Variants in GPHN observed in about 807,000 individuals in gnomAD.
GPHN encodes the protein gephyrin.
Under a neutral mutation model 95.5 loss-of-function variants are expected in GPHN, and 17 were observed. That is an observed-to-expected ratio of 0.18 (90% CI 0.12 to 0.27). The LOEUF (loss-of-function observed/expected upper bound fraction) is 0.27, where lower values mean the gene tolerates loss of function less well. GPHN is among the 10% of genes least tolerant of loss of function. The pLI, the probability that GPHN is intolerant of heterozygous loss-of-function variation, is 1.00. For synonymous variants in GPHN, 320 were observed against 322.5 expected, an observed-to-expected ratio of 0.99 and a Z score of 0.08; for missense variants, 660 against 978.1, an observed-to-expected ratio of 0.67 and a Z score of 4.34.
At chr14:66,599,834 T>G (rs1176302354) in intron 1 of GPHN, among the ~76,000 whole-genome samples, 1 of 152,064 alleles carries the variant, frequency 6.6e-6, no homozygotes, top group East Asian at 1.9e-4. Flanking sequence ...TGTATATCTA[T>G]ATATCTGTAT....
At chr14:66,842,068 AC>A (rs1183495196) in intron 4 of GPHN, among the ~76,000 whole-genome samples, 2 of 53,358 alleles carry the variant, frequency 3.7e-5, no homozygotes, top group Non-Finnish European at 7.7e-5. Flanking sequence ...CCCCGCCCCA[AC>A]CCCCCCAGCC....
chr14:67,526,965 A>G, the GPHN span, among the ~76,000 whole-genome samples: 6 of 152,188 alleles, frequency 3.9e-5, no homozygotes, highest in African/African-American at 1.4e-4. Flanking sequence ...CAAGGGAGAT[A>G]ATAGACCTAT....
the GPHN span, among the ~76,000 whole-genome samples, chr14:67,231,479 G>A: frequency 6.6e-6 from 1 of 152,042 alleles, no homozygotes; most frequent in Non-Finnish European, 1.5e-5. Flanking sequence ...AAATTTTTCT[G>A]TAGAGACAGG....
chr14:67,224,102 C>T, the GPHN span: 1 of 738,430 alleles, frequency 1.4e-6, no homozygotes. Context: ...TCAAACCTCT[C>T]AGCAGTTTGC....
At chr14:67,203,288 C>T in the GPHN span, 21 of 1,581,064 alleles carry the variant, frequency 1.3e-5, no homozygotes, top group Middle Eastern at 5.0e-4. Context: ...AACTAGTGCT[C>T]ACCAGGTGAG....
At chr14:67,327,646 C>T in the GPHN span, among the ~76,000 whole-genome samples, 3 of 152,054 alleles carry the variant, frequency 2.0e-5, no homozygotes, top group Admixed American at 6.5e-5. Flanking sequence ...CCTCTCCCCC[C>T]ACCCCACAAC....
chr14:66,712,803 A>G (rs141205292), intron 2 of GPHN, among the ~76,000 whole-genome samples: 1 of 152,166 alleles, frequency 6.6e-6, no homozygotes, highest in African/African-American at 2.4e-5. Context: ...CCACACCAAC[A>G]TCTAATGGTT....
chr14:66,510,933 A>G (rs2058019205), intron 1 of GPHN, among the ~76,000 whole-genome samples: 2 of 152,186 alleles, frequency 1.3e-5, no homozygotes, highest in African/African-American at 4.8e-5. Context: ...GGAAAAGTCT[A>G]GGGCCAGGAA....
At chr14:67,638,386 A>C in the GPHN span, among the ~76,000 whole-genome samples, 1 of 152,106 alleles carries the variant, frequency 6.6e-6, no homozygotes, top group African/African-American at 2.4e-5. Flanking sequence ...AAAAGAAAAA[A>C]AATGATTAAA....
the GPHN span, among the ~76,000 whole-genome samples, chr14:67,519,731 CT>C: frequency 4.7e-5 from 6 of 128,494 alleles, no homozygotes; most frequent in East Asian, 4.6e-4. Context: ...TTTTTTTTTA[CT>C]TTTTTTTTGA....
At chr14:67,059,919 T>G (rs1594978419) in intron 11 of GPHN, among the ~76,000 whole-genome samples, 1 of 152,194 alleles carries the variant, frequency 6.6e-6, no homozygotes, top group African/African-American at 2.4e-5. Flanking sequence ...AGTCAGGAAT[T>G]AACTATGTGA....
rs78926434 is a variant in GPHN at position 66,968,636 on chromosome 14, A to G, written c.963+3311A>G. ...TCTGGATGGAAATGCTTTTTTCTCT[A>G]CCTCATAACCACAGTAAATTAAGCA... On this transcript the variant is annotated intron_variant, in intron 9 of 22. Transcript: ENST00000478722. Among the ~76,000 whole-genome samples the G allele has an allele frequency of 3.1e-3, 468 of 152,180 alleles. 11 individuals carry two copies. The highest frequency in any genetic ancestry group is 0.011 in the African/African-American group (442 of 41,550).
the GPHN span, among the ~76,000 whole-genome samples, chr14:67,353,480 T>C: frequency 6.7e-6 from 1 of 148,466 alleles, no homozygotes; most frequent in African/African-American, 2.6e-5. Flanking sequence ...AAGACTCCTT[T>C]TGTTGTTGTT....
intron 1 of GPHN, among the ~76,000 whole-genome samples, chr14:66,548,765 G>A (rs2059703214): frequency 6.6e-6 from 1 of 152,198 alleles, no homozygotes; most frequent in Admixed American, 6.5e-5. Context: ...AGCTTAGTGA[G>A]GAAGGAATAC....
the GPHN span, chr14:67,727,068 A>G: frequency 2.5e-6 from 4 of 1,614,010 alleles, no homozygotes; most frequent in African/African-American, 4.0e-5. Flanking sequence ...GTGGCTCACC[A>G]CATTGGCAAG....
At chr14:67,729,049 T>C in the GPHN span, 2 of 842,390 alleles carry the variant, frequency 2.4e-6, no homozygotes, top group Admixed American at 3.4e-5. Context: ...AAATTCCGCC[T>C]GGCCAGGAGT....
chr14:66,899,934 T>G (rs1358611886), intron 5 of GPHN, among the ~76,000 whole-genome samples: 1 of 151,900 alleles, frequency 6.6e-6, no homozygotes, highest in Admixed American at 6.6e-5. Flanking sequence ...TAAATTGAAT[T>G]TTCTTAAAAG....
the GPHN span, among the ~76,000 whole-genome samples, chr14:67,551,823 A>G: frequency 6.6e-6 from 1 of 152,106 alleles, no homozygotes; most frequent in Non-Finnish European, 1.5e-5. Context: ...CGGAGGTTAC[A>G]GTGAGCTGGG....
the GPHN span, chr14:67,725,290 T>C: frequency 2.5e-6 from 4 of 1,610,462 alleles, no homozygotes; most frequent in South Asian, 1.1e-5. Flanking sequence ...AAGCAGGAAA[T>C]TGGGTATGGG....
Sources: gnomAD v4.1 joint callset for allele counts (sites outside exome capture counted in the v4.1 genomes callset) on GRCh38, gnomAD v4.1.1 for gene constraint, MANE v1.5 for transcripts, NCBI Gene and HGNC (gene_info 2026-07-23, HGNC 2026-07-21) for gene names.